MCC: variants seen among roughly 807,000 people sequenced by gnomAD.
MCC encodes colorectal mutant cancer protein.
In MCC, 90 loss-of-function variants were observed where a neutral mutation model predicts 116.2. The ratio of observed to expected loss-of-function variants is 0.77; its 90% CI spans 0.65 to 0.92. MCC has a LOEUF of 0.92. Among genes scored for constraint, MCC ranks in the 40% least tolerant of loss-of-function variants. MCC has a pLI of 0.00. For missense variants in MCC, 1,516 were observed against 1,312.2 expected, an observed-to-expected ratio of 1.16 and a Z score of -2.40; for synonymous variants, 578 against 510.5, an observed-to-expected ratio of 1.13 and a Z score of -1.78.
intron 1 of MCC, among the ~76,000 whole-genome samples, chr5:113,465,478 T>G (rs1771875757): frequency 6.6e-6 from 1 of 152,108 alleles, no homozygotes; most frequent in African/African-American, 2.4e-5. Context: ...GAGAGAGTTT[T>G]AACATACGCA....
chr5:113,241,300 C>CAAG (rs1764354660), intron 3 of MCC, among the ~76,000 whole-genome samples: 1 of 152,034 alleles, frequency 6.6e-6, no homozygotes, highest in Admixed American at 6.5e-5. Flanking sequence ...TAGCTAAGGG[C>CAAG]AAGAGACTAG....
intron 5 of MCC, among the ~76,000 whole-genome samples, chr5:113,137,451 A>G (rs893797250): frequency 6.6e-6 from 1 of 152,158 alleles, no homozygotes; most frequent in African/African-American, 2.4e-5. Flanking sequence ...TACTGAAATC[A>G]TCATGTTTTT....
At chr5:113,401,168 C>T (rs10213826) in intron 1 of MCC, among the ~76,000 whole-genome samples, 2,685 of 152,224 alleles carry the variant, frequency 0.018, 33 homozygotes, top group Non-Finnish European at 0.022. Context: ...TCAGGTCACA[C>T]TTTTTATGGG....
intron 1 of MCC, among the ~76,000 whole-genome samples, chr5:113,441,374 T>A (rs1771036601): frequency 6.6e-6 from 1 of 152,106 alleles, no homozygotes; most frequent in Non-Finnish European, 1.5e-5. Flanking sequence ...ACAAGTTCTC[T>A]TTATAGTAGA....
intron 3 of MCC, among the ~76,000 whole-genome samples, chr5:113,174,549 T>C (rs1761231282): frequency 6.6e-6 from 1 of 151,994 alleles, no homozygotes; most frequent in Non-Finnish European, 1.5e-5. Context: ...AAAAGAATGG[T>C]ATATTGAAGA....
At chr5:113,074,656 T>A (rs991122571) in intron 11 of MCC, among the ~76,000 whole-genome samples, 1 of 152,138 alleles carries the variant, frequency 6.6e-6, no homozygotes, top group African/African-American at 2.4e-5. Flanking sequence ...ATTAGACAAA[T>A]GGCTAACTAG....
chr5:113,328,583 A>G (rs1229569711), intron 3 of MCC, among the ~76,000 whole-genome samples: 1 of 152,210 alleles, frequency 6.6e-6, no homozygotes, highest in Non-Finnish European at 1.5e-5. Flanking sequence ...TCTCTGATAG[A>G]TGCCTCTAAC....
intron 8 of MCC, 135 bp downstream of exon 8, chr5:113,101,604 A>C: frequency 1.2e-6 from 1 of 840,924 alleles, no homozygotes; most frequent in Non-Finnish European, 1.9e-6. Context: ...GAAGGACTTC[A>C]TAACAGGAAA....
In MCC at chr5:113,027,603, C is replaced by G. The variant is rs1199523278; in HGVS notation, c.2880-121G>C. On this transcript the variant is annotated intron_variant, in intron 18 of 18. Transcript: ENST00000408903. ...GCTCTGAAGAAAGATCACTCATCCT[C>G]TTCGGTAAGAATCTGAAATCTAGTG... 8 of 909,700 alleles carry G rather than the reference C, an allele frequency of 8.8e-6. No homozygotes were observed. In the East Asian group the frequency reaches 1.9e-4, roughly 22 times the overall value. The allele number at this position is 909,700 out of a possible 1,614,324, so 56.4% of individuals were successfully genotyped here. A position where few individuals can be genotyped will look rare whatever the true frequency, so the allele number is the denominator to read the frequency against.
chr5:113,434,067 T>C lies in MCC; in HGVS notation c.171-48855A>G. On this transcript the variant is annotated intron_variant, in intron 1 of 18. Coordinates refer to ENST00000408903, the MANE Select transcript of MCC (RefSeq NM_001085377.2). The surrounding 1 kb of genome is among the most constrained non-coding windows in gnomAD (Gnocchi z 4.2). ...GATCTCGTCGATGTGGAGCCGCCGG[T>C]TGACGTCGGGCTGCAGCATGTGGTA... 3.1e-6 allele frequency: 5 copies of C among 1,614,130 alleles called. No homozygotes were observed. The highest frequency in any genetic ancestry group is 4.2e-6 in the Non-Finnish European group (5 of 1,179,966).
In MCC at chr5:113,027,149, A is replaced by C; in HGVS notation, c.*153T>G. On this transcript the variant is annotated 3_prime_UTR_variant, in exon 19 of 19. Transcript: ENST00000408903. ...AATGTCACCATGGCCAGTCGCCCCA[A>C]GGGTTGAGTTGGGGCACTCCATTGT... 1 of 712,054 alleles carries C rather than the reference A, an allele frequency of 1.4e-6. No individual in the cohort carries two copies. 44.1% of individuals were successfully genotyped at this position (712,054 alleles called of 1,614,324 possible).
At chr5:113,246,889 G>C (rs1764597484) in intron 3 of MCC, among the ~76,000 whole-genome samples, 1 of 152,182 alleles carries the variant, frequency 6.6e-6, no homozygotes, top group Admixed American at 6.5e-5. Flanking sequence ...CTGAGAAATA[G>C]ATTCTGAGGT....
chr5:113,071,301 C>T, intron 11 of MCC, 67 bp from the exon 12 acceptor site: 2 of 1,537,876 alleles, frequency 1.3e-6, no homozygotes, highest in Middle Eastern at 1.8e-4. Context: ...TCAGTTGTCT[C>T]ATTTATATTC....
chr5:113,059,844 G>A (rs1192126217), intron 14 of MCC, among the ~76,000 whole-genome samples: 3 of 152,134 alleles, frequency 2.0e-5, no homozygotes, highest in Non-Finnish European at 2.9e-5. Flanking sequence ...GGTTCGGGCC[G>A]ACCCACTCTC....
intron 3 of MCC, among the ~76,000 whole-genome samples, chr5:113,191,752 T>G (rs1762161042): frequency 1.3e-5 from 2 of 152,198 alleles, no homozygotes; most frequent in Admixed American, 1.3e-4. Context: ...CAATTGATTA[T>G]AGAACAGCGA....
chr5:113,384,213 C>G (rs1381318640), intron 2 of MCC, among the ~76,000 whole-genome samples: 28 of 152,170 alleles, frequency 1.8e-4, no homozygotes, highest in Admixed American at 1.8e-3. Flanking sequence ...TTTCCAACTG[C>G]TTATCTTGCA....
In MCC at chr5:113,101,912, C is replaced by G; in HGVS notation, c.1225G>C (p.Asp409His). The G allele has an allele frequency of 6.2e-7, 1 of 1,614,000 alleles. No homozygotes were observed. Among genetic ancestry groups the G allele is most frequent in the Non-Finnish European group, 8.5e-7 (1 of 1,180,034 alleles). The change falls in exon 8 of 19, where the codon GAC becomes CAC. Residue 409 changes from aspartate (D) to histidine (H), a missense_variant. Transcript: ENST00000408903. ...VEEIEGVLGR[D>H]LYPNLAEERS... ...TCTTCAGCCAGGTTGGGATACAGGT[C>G]CCGGCCAAGCACCCCCTCAATCTCC...
intron 5 of MCC, among the ~76,000 whole-genome samples, chr5:113,129,193 G>A (rs1003186899): frequency 6.6e-6 from 1 of 152,176 alleles, no homozygotes; most frequent in African/African-American, 2.4e-5. Context: ...AGGTGTGAGA[G>A]AGAGAGTTTA....
chr5:113,042,305 CAAAAAAAAAAA>C (rs59401267), intron 17 of MCC, among the ~76,000 whole-genome samples: 1 of 89,504 alleles, frequency 1.1e-5, no homozygotes, highest in Non-Finnish European at 2.3e-5. Flanking sequence ...GACCCTGTCT[CAAAAAAAAAAA>C]AAAAAAAAAT....
Sources: gnomAD v4.1 joint callset for allele counts (sites outside exome capture counted in the v4.1 genomes callset) on GRCh38, gnomAD v4.1.1 for gene constraint, Gnocchi (gnomAD v3.1) non-coding constraint, MANE v1.5 for transcripts, NCBI Gene and HGNC (gene_info 2026-07-23, HGNC 2026-07-21) for gene names.